Variants in NUP153 observed in about 807,000 individuals in gnomAD.
The protein encoded by NUP153 is nuclear pore complex protein Nup153.
NUP153 carries 27 observed loss-of-function variants against 134.6 expected under a neutral mutation model. The ratio of observed to expected loss-of-function variants is 0.20; its 90% CI spans 0.15 to 0.28. The LOEUF (loss-of-function observed/expected upper bound fraction) is 0.28, where lower values mean the gene tolerates loss of function less well. Ranked by LOEUF, NUP153 falls within the 10% of genes least tolerant of loss-of-function variation. The pLI, the probability that NUP153 is intolerant of heterozygous loss-of-function variation, is 1.00. For missense variants in NUP153, 1,821 were observed against 1,731.3 expected, an observed-to-expected ratio of 1.05 and a Z score of -0.92; for synonymous variants, 640 against 623.5, an observed-to-expected ratio of 1.03 and a Z score of -0.40.
intron 11 of NUP153, among the ~76,000 whole-genome samples, chr6:17,653,723 C>A (rs1766638451): frequency 6.6e-6 from 1 of 152,144 alleles, no homozygotes. Flanking sequence ...GTGATTGCCT[C>A]TGGGGTAGGA....
intron 16 of NUP153, 32 bp downstream of exon 16, chr6:17,637,121 A>T (rs751338189): frequency 6.4e-7 from 1 of 1,566,900 alleles, no homozygotes; most frequent in Non-Finnish European, 8.7e-7. Context: ...AGAAGTAATA[A>T]GCAAAATTAC....
intron 20 of NUP153, among the ~76,000 whole-genome samples, chr6:17,619,057 C>T (rs1163461069): frequency 6.6e-6 from 1 of 152,156 alleles, no homozygotes; most frequent in Non-Finnish European, 1.5e-5. Context: ...AACAAACCCA[C>T]ATCAAGACAC....
At chr6:17,683,257 T>C (rs962010722) in intron 2 of NUP153, among the ~76,000 whole-genome samples, 1 of 152,220 alleles carries the variant, frequency 6.6e-6, no homozygotes, top group African/African-American at 2.4e-5. Flanking sequence ...TCATCTAGAA[T>C]GGTGAACCTT....
At chr6:17,620,095 CAAAAAAAAAAAAAAAAAA>C (rs58013807) in intron 20 of NUP153, among the ~76,000 whole-genome samples, 1 of 63,000 alleles carries the variant, frequency 1.6e-5, no homozygotes, top group Non-Finnish European at 2.8e-5. Context: ...AAGACACCAT[CAAAAAAAAAAAAAAAAAA>C]AAAAAAAAGG....
chr6:17,663,886 C>T (rs192684776), intron 9 of NUP153, among the ~76,000 whole-genome samples: 2 of 152,064 alleles, frequency 1.3e-5, no homozygotes, highest in East Asian at 1.9e-4. Context: ...TATGATCCAG[C>T]AATTCTATTT....
At chr6:17,661,347 T>C (rs905368392) in intron 11 of NUP153, among the ~76,000 whole-genome samples, 1 of 152,166 alleles carries the variant, frequency 6.6e-6, no homozygotes, top group Non-Finnish European at 1.5e-5. Flanking sequence ...ATTAATCCTA[T>C]TTATGAACTT....
intron 2 of NUP153, among the ~76,000 whole-genome samples, chr6:17,679,699 T>C (rs928095294): frequency 3.9e-5 from 6 of 152,184 alleles, no homozygotes; most frequent in Admixed American, 3.3e-4. Flanking sequence ...TTCACATATG[T>C]ATTTTTTTCT....
intron 1 of NUP153, among the ~76,000 whole-genome samples, chr6:17,695,845 T>C (rs1357491411): frequency 6.6e-6 from 1 of 151,966 alleles, no homozygotes; most frequent in Non-Finnish European, 1.5e-5. Flanking sequence ...CTGTCTCTAC[T>C]AAAAATACAA....
intron 20 of NUP153, among the ~76,000 whole-genome samples, chr6:17,623,693 A>G (rs1417871344): frequency 2.0e-5 from 3 of 152,246 alleles, no homozygotes; most frequent in South Asian, 2.1e-4. Flanking sequence ...TATGGCAATG[A>G]CAATAAACAA....
intron 17 of NUP153, among the ~76,000 whole-genome samples, chr6:17,631,955 G>A (rs1199885239): frequency 6.7e-6 from 1 of 150,364 alleles, no homozygotes. Context: ...GACAGAGCAA[G>A]ACACCATCTC....
At chr6:17,702,625 G>A (rs563114806) in intron 1 of NUP153, among the ~76,000 whole-genome samples, 8 of 151,818 alleles carry the variant, frequency 5.3e-5, no homozygotes, top group Non-Finnish European at 8.8e-5. Flanking sequence ...GCACTGAGCC[G>A]AGATTGCACC....
intron 1 of NUP153, among the ~76,000 whole-genome samples, chr6:17,701,729 GA>G (rs2150254113): frequency 6.6e-6 from 1 of 150,480 alleles, no homozygotes; most frequent in African/African-American, 2.4e-5. Flanking sequence ...AGCTACTCAA[GA>G]GCTGAGGCAG....
chr6:17,691,096 C>A (rs2113853675), intron 1 of NUP153, among the ~76,000 whole-genome samples: 1 of 152,202 alleles, frequency 6.6e-6, no homozygotes, highest in South Asian at 2.1e-4. Flanking sequence ...GAGCTAAGAT[C>A]ACGCCATTGC....
At chr6:17,650,925 T>C (rs571542547) in intron 11 of NUP153, among the ~76,000 whole-genome samples, 1 of 152,128 alleles carries the variant, frequency 6.6e-6, no homozygotes, top group Non-Finnish European at 1.5e-5. Flanking sequence ...GGATGTGGTA[T>C]GAAAGTAACA....
At chr6:17,634,251 C>T (rs1320321111) in intron 16 of NUP153, among the ~76,000 whole-genome samples, 3 of 152,070 alleles carry the variant, frequency 2.0e-5, no homozygotes, top group Non-Finnish European at 4.4e-5. Flanking sequence ...TCTGGTTGCA[C>T]CTTTTTAAAA....
intron 5 of NUP153, 102 bp from the exon 6 acceptor site, chr6:17,669,648 A>G (rs1257674680): frequency 2.8e-5 from 23 of 822,328 alleles, no homozygotes; most frequent in Non-Finnish European, 4.8e-5. Context: ...CCAAAGTAAA[A>G]CAGGATTTAA....
intron 1 of NUP153, among the ~76,000 whole-genome samples, chr6:17,702,835 T>C (rs1358079695): frequency 2.0e-5 from 3 of 147,394 alleles, no homozygotes; most frequent in Admixed American, 6.9e-5. Context: ...TTATTACCCT[T>C]ATAACTCTTC....
chr6:17,694,429 C>T lies in NUP153; in HGVS notation c.112-5811G>A, dbSNP rs574326655. 3.3e-5 allele frequency among the ~76,000 whole-genome samples: 5 copies of T among 152,192 alleles called. No individual in the cohort carries two copies. The South Asian group carries it at 1.0e-3, about 32-fold the overall frequency. On this transcript the variant is annotated intron_variant, in intron 1 of 21. Transcript: ENST00000262077. ...ATCCCAGCACTTCCGGAGGCCGACG[C>T]GGGCGGATTACCTGAGGTCAAGAGT...
At chr6:17,621,471 T>A (rs1764639689) in intron 20 of NUP153, among the ~76,000 whole-genome samples, 1 of 152,218 alleles carries the variant, frequency 6.6e-6, no homozygotes, top group Admixed American at 6.5e-5. Flanking sequence ...CATCAACAGA[T>A]GGATACAGAA....
Sources: allele counts gnomAD v4.1 joint callset (sites outside exome capture counted in the v4.1 genomes callset), GRCh38; gene constraint gnomAD v4.1.1; transcripts MANE v1.5; gene names NCBI Gene and HGNC (gene_info 2026-07-23, HGNC 2026-07-21).